PRH1: variants seen among roughly 807,000 people sequenced by gnomAD.
The protein encoded by PRH1 is salivary acidic proline-rich phosphoprotein 1/2.
PRH1 carries 7 observed loss-of-function variants against 7.9 expected under a neutral mutation model. The ratio of observed to expected loss-of-function variants is 0.89; its 90% CI spans 0.50 to 1.67. The LOEUF is 1.67. PRH1 is among the 40% of genes most tolerant of loss of function. The pLI is 0.00. For missense variants in PRH1, 109 were observed against 223.6 expected, an observed-to-expected ratio of 0.49 and a Z score of 3.27; for synonymous variants, 45 against 80.8, an observed-to-expected ratio of 0.56 and a Z score of 2.38.
At chr12:11,139,310 A>T (rs1946642078) in intron 1 of PRH1, among the ~76,000 whole-genome samples, 2 of 152,152 alleles carry the variant, frequency 1.3e-5, no homozygotes, top group Non-Finnish European at 2.9e-5. Context: ...AGAAAATAGA[A>T]TTTGCCAGCA....
chr12:10,882,644 C>T lies in PRH1; in HGVS notation c.155G>A (p.Gly52Glu). The change falls in exon 3 of 4, where the codon GGA becomes GAA. Residue 52 changes from glycine (G) to glutamate (E), a missense_variant. Around this residue, in one of 3 missense-constraint regions of PRH1, gnomAD observed 60 missense variants for 76.5 expected, o/e 0.78. Transcript: ENST00000543626. ...AGCAGAGGGTTGAGATTGCTGTCCT[C>T]CCAAAGGTGGTCCCTGACGCTCCTC... ...LDEERQGPPL[G>E]GQQSQPSAGD... 1.2e-6 allele frequency: 2 copies of T among 1,612,318 alleles called. No individual in the cohort carries two copies. Among genetic ancestry groups the T allele is most frequent in the Non-Finnish European group, 1.7e-6 (2 of 1,179,412 alleles).
chr12:11,123,793 G>A (rs892577950), intron 1 of PRH1, among the ~76,000 whole-genome samples: 1 of 151,930 alleles, frequency 6.6e-6, no homozygotes, highest in Non-Finnish European at 1.5e-5. Flanking sequence ...CCATCTAACT[G>A]GTTAACTCTG....
intron 1 of PRH1, among the ~76,000 whole-genome samples, chr12:11,060,604 C>T (rs970490145): frequency 3.9e-5 from 6 of 152,060 alleles, no homozygotes; most frequent in African/African-American, 1.4e-4. Flanking sequence ...CTGATAATAG[C>T]AATCAAGATC....
chr12:11,024,352 A>G (rs1941805464), intron 1 of PRH1, among the ~76,000 whole-genome samples: 1 of 152,234 alleles, frequency 6.6e-6, no homozygotes, highest in Non-Finnish European at 1.5e-5. Context: ...GAACATTGCT[A>G]AGAGCCTAAG....
rs1946734117 is a variant in PRH1 at position 11,142,637 on chromosome 12, A to C, written n.40-21457T>G. Among the ~76,000 whole-genome samples, 2 of 152,202 alleles carry C rather than the reference A, an allele frequency of 1.3e-5. 1 individual carries two copies. The highest frequency in any genetic ancestry group is 4.1e-4 in the South Asian group (2 of 4,834). On this transcript the variant is annotated intron_variant and non_coding_transcript_variant, in intron 1 of 1. Transcript: ENST00000541175. The stretch of plus-strand genomic sequence containing the variant: ...AAACAATGCCAGGTAAAATTGAAGA[A>C]GACTACCTCAAGGAATTTAATAATC...
chr12:11,004,771 C>T (rs184654199), intron 1 of PRH1, among the ~76,000 whole-genome samples: 15 of 151,952 alleles, frequency 9.9e-5, no homozygotes, highest in Admixed American at 2.6e-4. Context: ...TCAATCATTA[C>T]GTCAAATGAC....
chr12:10,923,108 G>A (rs1950074217), intron 2 of PRH1, among the ~76,000 whole-genome samples: 1 of 149,910 alleles, frequency 6.7e-6, no homozygotes, highest in Admixed American at 6.6e-5. Context: ...GATTACAGGC[G>A]TGAGCCACCG....
chr12:11,171,407 C>T (rs1457516047), intron 1 of PRH1: 1 of 1,232,052 alleles, frequency 8.1e-7, no homozygotes, highest in Non-Finnish European at 1.0e-6. Flanking sequence ...CCTCAAGCCC[C>T]GCCGCGACAC....
intron 1 of PRH1, among the ~76,000 whole-genome samples, chr12:11,080,404 T>C (rs1446594495): frequency 1.7e-5 from 2 of 116,694 alleles, no homozygotes; most frequent in Non-Finnish European, 4.1e-5. Flanking sequence ...AGGCAGCTTG[T>C]TTTTGAGCTA....
chr12:10,991,571 G>T (rs1315397135), intron 1 of PRH1, among the ~76,000 whole-genome samples: 1 of 152,022 alleles, frequency 6.6e-6, no homozygotes, highest in African/African-American at 2.4e-5. Context: ...TACATAATTT[G>T]ATATATGTAA....
At chr12:11,134,093 A>G (rs751942037) in intron 1 of PRH1, 2 of 1,614,166 alleles carry the variant, frequency 1.2e-6, no homozygotes, top group Non-Finnish European at 8.5e-7. Context: ...GGAGACCGCC[A>G]GAGCAGTGAG....
At chr12:10,973,086 A>C (rs1474331493) in intron 2 of PRH1, among the ~76,000 whole-genome samples, 1 of 151,998 alleles carries the variant, frequency 6.6e-6, no homozygotes, top group African/African-American at 2.4e-5. Flanking sequence ...ATATTTATCA[A>C]ACTGATCTCT....
chr12:10,881,603 A>G (rs1949401588), intron 3 of PRH1, among the ~76,000 whole-genome samples: 2 of 152,236 alleles, frequency 1.3e-5, no homozygotes, highest in Non-Finnish European at 2.9e-5. Context: ...CATTATATAT[A>G]TTTATGTAGC....
At chr12:11,163,265 C>T (rs1947471289) in intron 1 of PRH1, among the ~76,000 whole-genome samples, 1 of 152,074 alleles carries the variant, frequency 6.6e-6, no homozygotes, top group African/African-American at 2.4e-5. Flanking sequence ...AGCTAGGCTT[C>T]TCTGAATACA....
intron 1 of PRH1, among the ~76,000 whole-genome samples, chr12:11,145,943 C>T (rs1946847200): frequency 6.6e-6 from 1 of 152,006 alleles, no homozygotes; most frequent in South Asian, 2.1e-4. Flanking sequence ...ACTGTTTTTG[C>T]ATATCTGTAA....
At chr12:10,904,087 G>T (rs73054375) in intron 2 of PRH1, among the ~76,000 whole-genome samples, 4,623 of 151,502 alleles carry the variant, frequency 0.031, 96 homozygotes, top group Non-Finnish European at 0.04. Context: ...TGTTAAAATG[G>T]TTGTACGGCC....
In PRH1 at chr12:11,068,236, G is replaced by C. The variant is rs1276888126; in HGVS notation, n.124-21048C>G. ...CCCTCCTGATTATCCCAATTGTTAT[G>C]ATGATCACTCATATGTTTCACTGTA... On this transcript the variant is annotated intron_variant and non_coding_transcript_variant, in intron 1 of 4. Transcript: ENST00000541977. Among the ~76,000 whole-genome samples, 9 of 150,698 alleles carry C rather than the reference G, an allele frequency of 6.0e-5. No individual in the cohort carries two copies. In the East Asian group the frequency reaches 1.8e-3, roughly 30 times the overall value.
intron 1 of PRH1, among the ~76,000 whole-genome samples, chr12:11,056,023 CACAT>C (rs1446059542): frequency 2.0e-5 from 3 of 152,262 alleles, no homozygotes; most frequent in Non-Finnish European, 4.4e-5. Context: ...TTCACACACA[CACAT>C]ACACACACCT....
intron 1 of PRH1, among the ~76,000 whole-genome samples, chr12:11,038,381 T>C (rs1215338392): frequency 6.6e-6 from 1 of 152,250 alleles, no homozygotes; most frequent in African/African-American, 2.4e-5. Context: ...TTTTCCTCCT[T>C]CTTGACTATC....
Sources: allele counts gnomAD v4.1 joint callset (sites outside exome capture counted in the v4.1 genomes callset), GRCh38; gene constraint gnomAD v4.1.1; regional missense constraint gnomAD v4.1.1; transcripts MANE v1.5; gene names NCBI Gene and HGNC (gene_info 2026-07-23, HGNC 2026-07-21).